Variants in CACHD1 observed in about 807,000 individuals in gnomAD.
The protein encoded by CACHD1 is cache domain containing 1.
In CACHD1, 71 loss-of-function variants were observed where a neutral mutation model predicts 138.7. The ratio of observed to expected loss-of-function variants is 0.51; its 90% CI spans 0.42 to 0.62. The LOEUF (loss-of-function observed/expected upper bound fraction) is 0.62. CACHD1 is among the 20% of genes least tolerant of loss of function. CACHD1 has a pLI of 0.00. For synonymous variants in CACHD1, 578 were observed against 591.5 expected (o/e 0.98, Z 0.33); for missense variants, 1,389 against 1,625.3 (o/e 0.85, Z 2.50).
intron 26 of CACHD1, among the ~76,000 whole-genome samples, chr1:64,691,110 T>C (rs1650537558): frequency 1.3e-5 from 2 of 152,168 alleles, no homozygotes; most frequent in Non-Finnish European, 2.9e-5. Flanking sequence ...TGGTTATGTA[T>C]TTATTGTGTC....
At chr1:64,587,114 C>G (rs982634903) in intron 3 of CACHD1, among the ~76,000 whole-genome samples, 1 of 152,134 alleles carries the variant, frequency 6.6e-6, no homozygotes, top group African/African-American at 2.4e-5. Flanking sequence ...TTAAACTCAG[C>G]ACTGACCCAG....
chr1:64,549,087 G>T (rs1156580978), intron 1 of CACHD1, among the ~76,000 whole-genome samples: 1 of 152,148 alleles, frequency 6.6e-6, no homozygotes, highest in Non-Finnish European at 1.5e-5. Context: ...ATTTTGAAAT[G>T]AACATTAAAT....
In CACHD1 at chr1:64,642,894, C is replaced by T. The variant is rs542357416; in HGVS notation, c.1156+925C>T. Among the ~76,000 whole-genome samples, 341 of 151,456 alleles carry T rather than the reference C, an allele frequency of 2.3e-3. 2 individuals carry two copies. Among genetic ancestry groups the T allele is most frequent in the Middle Eastern group, 0.017 (5 of 294 alleles). On this transcript the variant is annotated intron_variant, in intron 8 of 26. Coordinates refer to ENST00000651257, the MANE Select transcript of CACHD1 (RefSeq NM_020925.4). ...TCTCTACTAAAAATACAAAAATTAG[C>T]TGGGCGTGGTGGTGTGCGCCTGTAG...
chr1:64,581,039 T>G (rs1440601485), intron 2 of CACHD1, among the ~76,000 whole-genome samples: 2 of 152,178 alleles, frequency 1.3e-5, no homozygotes, highest in East Asian at 3.8e-4. Flanking sequence ...ATTATCCAAT[T>G]AAACATTATA....
Position 64,477,667 on chromosome 1 carries a change from G to A in CACHD1, c.198+6725G>A, listed in dbSNP as rs373568373. Among the ~76,000 whole-genome samples the A allele has an allele frequency of 1.4e-4, 20 of 145,226 alleles. No homozygotes were observed. The South Asian group carries it at 3.8e-3, about 28-fold the overall frequency. On this transcript the variant is annotated intron_variant, in intron 1 of 26. Transcript: ENST00000651257. ...TTTTGAGACGGAGTCTCGCTCTGTCGCCCAGGCCGGACTGCGGACTGCAGT... is the reference window on the plus strand; with the variant it reads ...TTTTGAGACGGAGTCTCGCTCTGTCACCCAGGCCGGACTGCGGACTGCAGT...
At chr1:64,669,805 CT>C (rs1266598430) in intron 16 of CACHD1, among the ~76,000 whole-genome samples, 1 of 151,840 alleles carries the variant, frequency 6.6e-6, no homozygotes, top group Non-Finnish European at 1.5e-5. Flanking sequence ...CGTGCTGTTG[CT>C]TTAGCATGTT....
At chr1:64,598,178 G>A (rs552608855) in intron 3 of CACHD1, among the ~76,000 whole-genome samples, 80 of 152,240 alleles carry the variant, frequency 5.3e-4, no homozygotes, top group Admixed American at 1.0e-3. Context: ...CTTCACTTTT[G>A]CTTCCAGTAG....
At chr1:64,500,458 C>T (rs1420020311) in intron 1 of CACHD1, among the ~76,000 whole-genome samples, 1 of 152,068 alleles carries the variant, frequency 6.6e-6, no homozygotes, top group Admixed American at 6.5e-5. Context: ...TATCTATGTT[C>T]TAAATAGTAT....
At chr1:64,662,832 TGTGTC>T (rs1241959932) in intron 13 of CACHD1, among the ~76,000 whole-genome samples, 1 of 152,248 alleles carries the variant, frequency 6.6e-6, no homozygotes, top group Non-Finnish European at 1.5e-5. Flanking sequence ...AGCTTTTGTT[TGTGTC>T]AAGTTTTGCT....
chr1:64,593,814 C>T (rs1647126985), intron 3 of CACHD1, among the ~76,000 whole-genome samples: 1 of 152,186 alleles, frequency 6.6e-6, no homozygotes, highest in Admixed American at 6.5e-5. Flanking sequence ...AACTTAGTTA[C>T]ATATGTTTAT....
chr1:64,538,875 A>T (rs1171061791), intron 1 of CACHD1, among the ~76,000 whole-genome samples: 1 of 152,230 alleles, frequency 6.6e-6, no homozygotes, highest in Non-Finnish European at 1.5e-5. Flanking sequence ...CAACATTGCA[A>T]CTGTGTTTTA....
intron 4 of CACHD1, among the ~76,000 whole-genome samples, chr1:64,624,899 A>G (rs941313554): frequency 6.6e-6 from 1 of 152,202 alleles, no homozygotes; most frequent in African/African-American, 2.4e-5. Flanking sequence ...TATTTTGCAT[A>G]TCTTTGTTAG....
chr1:64,683,173 C>T (rs2100741669), intron 26 of CACHD1, among the ~76,000 whole-genome samples: 1 of 152,312 alleles, frequency 6.6e-6, no homozygotes, highest in Non-Finnish European at 1.5e-5. Flanking sequence ...GCAGCTAAAG[C>T]TCTGTTTTAT....
chr1:64,631,992 C>T (rs1313578146), intron 5 of CACHD1, among the ~76,000 whole-genome samples: 6 of 151,994 alleles, frequency 3.9e-5, no homozygotes, highest in Non-Finnish European at 8.8e-5. Flanking sequence ...AGCATGCTCA[C>T]GGGTTATAGG....
chr1:64,561,858 C>CAAAAA (rs35407984), intron 2 of CACHD1, among the ~76,000 whole-genome samples: 2 of 116,476 alleles, frequency 1.7e-5, no homozygotes, highest in Non-Finnish European at 3.4e-5. Flanking sequence ...ACACTGTCTC[C>CAAAAA]AAAAAAAAAA....
At chr1:64,569,761 G>GTA (rs1553134226) in intron 2 of CACHD1, among the ~76,000 whole-genome samples, 2 of 151,858 alleles carry the variant, frequency 1.3e-5, no homozygotes, top group African/African-American at 4.8e-5. Context: ...GCAGACCCTT[G>GTA]AAAAAAACAT....
chr1:64,525,778 A>T (rs963524411), intron 1 of CACHD1, among the ~76,000 whole-genome samples: 4 of 152,220 alleles, frequency 2.6e-5, no homozygotes, highest in Non-Finnish European at 4.4e-5. Context: ...CAGCCTGCCT[A>T]TGAAGGATTG....
intron 12 of CACHD1, among the ~76,000 whole-genome samples, chr1:64,656,245 A>G (rs1649257860): frequency 6.6e-6 from 1 of 152,220 alleles, no homozygotes; most frequent in African/African-American, 2.4e-5. Context: ...GCCTAATTCT[A>G]CTGGTAGTTT....
At chr1:64,510,617 GTCTTTCTAATAAC>G (rs1459211106) in intron 1 of CACHD1, among the ~76,000 whole-genome samples, 2 of 152,132 alleles carry the variant, frequency 1.3e-5, no homozygotes. Flanking sequence ...TGTTTCTAGT[GTCTTTCTAATAAC>G]TCTTTCTTTT....
Sources: allele counts gnomAD v4.1 joint callset (sites outside exome capture counted in the v4.1 genomes callset), GRCh38; gene constraint gnomAD v4.1.1; transcripts MANE v1.5; gene names NCBI Gene and HGNC (gene_info 2026-07-23, HGNC 2026-07-21).